Variants in AKNAD1 observed in about 807,000 individuals in gnomAD.
The protein encoded by AKNAD1 is protein AKNAD1.
A neutral mutation model predicts 90.8 loss-of-function variants in AKNAD1; 67 were observed. The ratio of observed to expected loss-of-function variants is 0.74; its 90% confidence interval spans 0.61 to 0.90. The LOEUF is 0.90. AKNAD1 is among the 40% of genes least tolerant of loss of function. The probability of loss-of-function intolerance (pLI) is 0.00; values close to 1 mark genes in which losing one functional copy is unlikely to be tolerated. For missense variants in AKNAD1, 957 were observed against 975.4 expected, an observed-to-expected ratio of 0.98 and a Z score of 0.25; for synonymous variants, 327 against 341.4, an observed-to-expected ratio of 0.96 and a Z score of 0.46.
rs970821392 is a variant in AKNAD1, at chr1:108,852,600, T to A, written c.65A>T (p.Asp22Val). The change falls in exon 2 of 16, where the codon GAC becomes GTC. Residue 22 changes from aspartate to valine, a missense_variant. Coordinates refer to ENST00000370001, the MANE Select transcript of AKNAD1 (RefSeq NM_152763.5). ...ATTGCCTATCTTAATCTGAGAGAGG[T>A]CCCCATCATAAGGCAAATCCTCCTG... ...YKQEDLPYDG[D>V]LSQIKIGNDY... The A allele has an allele frequency of 6.2e-7, 1 of 1,610,674 alleles. No homozygotes were observed.
rs1366078077 is a variant in AKNAD1, at chr1:108,820,537, ATACT to A, written c.2249+4_2249+7del. The A allele has an allele frequency of 1.2e-5, 19 of 1,565,158 alleles. No homozygotes were observed. The highest frequency in any genetic ancestry group is 1.6e-5 in the Non-Finnish European group (18 of 1,136,574). On this transcript the variant is annotated splice_donor_5th_base_variant and intron_variant, in intron 14 of 15. Coordinates refer to ENST00000370001, the MANE Select transcript of AKNAD1 (RefSeq NM_152763.5). ...ATATTTTGTTACTGATAATGAAATA[ATACT>A]TACTTTCCTGGTGTGGGCTCATGTT...
chr1:108,816,807 G>A (rs1032385601), intron 15 of AKNAD1: 27 of 440,446 alleles, frequency 6.1e-5, no homozygotes, highest in African/African-American at 5.2e-4. Flanking sequence ...TCCTGTAGCT[G>A]AGGCACCACC....
intron 1 of AKNAD1, 64 bp from the exon 2 acceptor site, chr1:108,852,831 A>C: frequency 1.9e-6 from 1 of 535,146 alleles, no homozygotes; most frequent in Non-Finnish European, 2.9e-6. Context: ...ACTATGCCAG[A>C]ACAAAGTGGA....
chr1:108,850,079 T>G (rs752598121), intron 2 of AKNAD1, among the ~76,000 whole-genome samples: 5 of 152,208 alleles, frequency 3.3e-5, no homozygotes, highest in Non-Finnish European at 7.4e-5. Context: ...TAACAGAGGA[T>G]GCATTAAGTT....
In AKNAD1 at chr1:108,834,983, T is replaced by C. The variant is rs1416356105; in HGVS notation, c.1610A>G (p.Gln537Arg). The C allele has an allele frequency of 3.1e-5, 48 of 1,563,614 alleles. No individual in the cohort carries two copies. Among genetic ancestry groups the C allele is most frequent in the Non-Finnish European group, 4.0e-5 (47 of 1,163,028 alleles). Residue 537 changes from glutamine to arginine, a missense_variant, in exon 8 of 16, where the codon CAA becomes CGA. Gln to Arg is a conservative substitution (Grantham distance 43). Coordinates refer to ENST00000370001, the MANE Select transcript of AKNAD1 (RefSeq NM_152763.5). ...SGGSEVTGTP[Q>R]GGPQEAPNEE... ...GTTGGGGGCCTCCTGCGGCCCTCCT[T>C]GGGGTGTCCCTGTTACCTCACTCCC...
In AKNAD1 at chr1:108,817,143, C is replaced by T. The variant is rs142355297; in HGVS notation, c.2284G>A (p.Asp762Asn). 78 of 1,614,114 alleles carry T rather than the reference C, an allele frequency of 4.8e-5. No homozygotes were observed. The highest frequency in any genetic ancestry group is 4.1e-4 in the African/African-American group (31 of 75,024). ...KLQAFMTYSS[D>N]PATPSPHFYS... ...AAATGGGGTGAGGGTGTTGCAGGGT[C>T]TGAGCTGTAGGTCATGAAAGCCTGA... Residue 762 changes from aspartate (D) to asparagine (N), a missense_variant, in exon 15 of 16, where the codon GAC becomes AAC. Physicochemically the swap from Asp to Asn is conservative, Grantham distance 23. Coordinates refer to ENST00000370001, the MANE Select transcript of AKNAD1 (RefSeq NM_152763.5).
chr1:108,819,557 CT>C (rs1663743869), intron 14 of AKNAD1, among the ~76,000 whole-genome samples: 1 of 151,786 alleles, frequency 6.6e-6, no homozygotes, highest in African/African-American at 2.4e-5. Context: ...GAGGTCAAGG[CT>C]GCAGTGAGCC....
rs1663637087 is a variant in AKNAD1, at chr1:108,817,114, G to T, written c.2313C>A (p.Tyr771Ter). Residue 771 changes from tyrosine to a stop codon, truncating the protein, a stop_gained, in exon 15 of 16, where the codon TAC becomes TAA. Coordinates refer to ENST00000370001, the MANE Select transcript of AKNAD1 (RefSeq NM_152763.5). LOFTEE classifies it high-confidence loss of function. ...SDPATPSPHF[Y>*]SCRISGSKSL... Reference sequence around the variant, plus strand: ...ATTTGCTTCCAGAAATCCTGCAGGAGTAGAAATGGGGTGAGGGTGTTGCAG... The same window carrying T: ...ATTTGCTTCCAGAAATCCTGCAGGATTAGAAATGGGGTGAGGGTGTTGCAG... 6.2e-7 allele frequency: 1 copy of T among 1,614,042 alleles called. No individual in the cohort carries two copies. The highest frequency in any genetic ancestry group is 1.7e-5 in the Admixed American group (1 of 60,004).
chr1:108,846,872 G>T (rs536124675), intron 5 of AKNAD1, among the ~76,000 whole-genome samples: 1 of 152,076 alleles, frequency 6.6e-6, no homozygotes, highest in African/African-American at 2.4e-5. Context: ...CTTGCCTCCT[G>T]CTTGCCTTCC....
At chr1:108,853,919 G>C (rs1664947456) in intron 1 of AKNAD1, among the ~76,000 whole-genome samples, 1 of 144,836 alleles carries the variant, frequency 6.9e-6, no homozygotes, top group Non-Finnish European at 1.5e-5. Flanking sequence ...CTAGGTGACA[G>C]AGAGAGACCC....
chr1:108,833,569 C>T (rs1664277473), intron 9 of AKNAD1, among the ~76,000 whole-genome samples: 1 of 150,796 alleles, frequency 6.6e-6, no homozygotes, highest in African/African-American at 2.4e-5. Context: ...GACAACAAAG[C>T]GAGACTGTCT....
At chr1:108,849,687 C>A in intron 2 of AKNAD1, 111 bp from the exon 3 acceptor site, 1 of 767,736 alleles carries the variant, frequency 1.3e-6, no homozygotes, top group South Asian at 1.7e-5. Context: ...GGTTTGCAGT[C>A]AAGAGCCGGA....
In AKNAD1 at chr1:108,827,317, A is replaced by G. The variant is rs190125386; in HGVS notation, c.1839-15T>C. The G allele has an allele frequency of 2.5e-6, 4 of 1,575,716 alleles. No homozygotes were observed. Among genetic ancestry groups the G allele is most frequent in the Admixed American group, 3.4e-5 (2 of 59,164 alleles). On this transcript the variant is annotated splice_polypyrimidine_tract_variant and intron_variant, in intron 10 of 15. Transcript: ENST00000370001. The stretch of plus-strand genomic sequence containing the variant: ...CGTTTTGCTTCCTAAAAAAAGGTGC[A>G]TAAGATCCTGTAAACTTTTAGTGCA...
At chr1:108,843,694 G>A (rs1324740581) in intron 5 of AKNAD1, among the ~76,000 whole-genome samples, 1 of 152,182 alleles carries the variant, frequency 6.6e-6, no homozygotes, top group Admixed American at 6.5e-5. Flanking sequence ...GGAGGAAATT[G>A]GAGCTCTAGC....
chr1:108,852,901 C>A, intron 1 of AKNAD1, 134 bp from the exon 2 acceptor site: 1 of 386,126 alleles, frequency 2.6e-6, no homozygotes. Flanking sequence ...CAACCACAAG[C>A]TGACCCAACC....
Position 108,851,752 on chromosome 1 carries a change from T to C in AKNAD1, c.913A>G (p.Thr305Ala), listed in dbSNP as rs1419589295. 2 of 1,613,394 alleles carry C rather than the reference T, an allele frequency of 1.2e-6. No homozygotes were observed. Among genetic ancestry groups the C allele is most frequent in the Non-Finnish European group, 8.5e-7 (1 of 1,179,808 alleles). ...KPTLVQDSLETTPESNCVEKQ... is the reference protein window; with the variant it reads ...KPTLVQDSLEATPESNCVEKQ... ...TCAACACAGTTTGACTCAGGCGTGG[T>C]TTCTAGACTATCTTGCACAAGAGTG... The change falls in exon 2 of 16, where the codon ACC becomes GCC. Residue 305 changes from threonine to alanine, a missense_variant. Transcript: ENST00000370001.
chr1:108,849,312 A>G (rs920760483), intron 3 of AKNAD1, among the ~76,000 whole-genome samples: 1 of 151,400 alleles, frequency 6.6e-6, no homozygotes, highest in Non-Finnish European at 1.5e-5. Flanking sequence ...GAGACCCCAC[A>G]TCTACAAAAA....
At chr1:108,842,750 A>AGAGGAGAGGAGGAACTT (rs1553203745) in intron 6 of AKNAD1, among the ~76,000 whole-genome samples, 1 of 152,116 alleles carries the variant, frequency 6.6e-6, no homozygotes, top group African/African-American at 2.4e-5. Context: ...GCTGAGAGGG[A>AGAGGAGAGGAGGAACTT]GAGGAGAGGA....
At chr1:108,853,273 A>T (rs1664926274) in intron 1 of AKNAD1, among the ~76,000 whole-genome samples, 1 of 151,774 alleles carries the variant, frequency 6.6e-6, no homozygotes, top group South Asian at 2.1e-4. Context: ...CCGGGACTAC[A>T]GGTGCCCGCC....
Sources: gnomAD v4.1 joint callset for allele counts (sites outside exome capture counted in the v4.1 genomes callset) on GRCh38, gnomAD v4.1.1 for gene constraint, MANE v1.5 for transcripts, NCBI Gene and HGNC (gene_info 2026-07-23, HGNC 2026-07-21) for gene names.